The following DPH6 variants were observed in gnomAD, a reference collection of about 807,000 sequenced individuals.
The protein encoded by DPH6 is diphthamine biosynthesis 6, also known as diphthine--ammonia ligase.
In DPH6, 33 loss-of-function variants were observed where a neutral mutation model predicts 38.2. The ratio of observed to expected loss-of-function variants is 0.86; its 90% CI spans 0.65 to 1.15. The LOEUF (loss-of-function observed/expected upper bound fraction) is 1.15, where lower values mean the gene tolerates loss of function less well. Among genes scored for constraint, DPH6 ranks in the 50% most tolerant of loss-of-function variants. DPH6 has a pLI of 0.00. For synonymous variants in DPH6, 108 were observed against 103.0 expected, an observed-to-expected ratio of 1.05 and a Z score of -0.30; for missense variants, 325 against 320.0, an observed-to-expected ratio of 1.02 and a Z score of -0.12.
the DPH6 span, among the ~76,000 whole-genome samples, chr15:35,189,755 T>C: frequency 6.6e-6 from 1 of 152,234 alleles, no homozygotes; most frequent in Non-Finnish European, 1.5e-5. Flanking sequence ...ATTCATGTTT[T>C]GCAGGAGCCA....
chr15:35,449,904 T>C (rs1259418301), intron 5 of DPH6, among the ~76,000 whole-genome samples: 1 of 152,120 alleles, frequency 6.6e-6, no homozygotes, highest in Non-Finnish European at 1.5e-5. Flanking sequence ...GCTTGAGACC[T>C]TGTTATTTCA....
chr15:35,473,095 G>A (rs2141130580), intron 3 of DPH6, among the ~76,000 whole-genome samples: 1 of 152,210 alleles, frequency 6.6e-6, no homozygotes, highest in East Asian at 1.9e-4. Flanking sequence ...CTTAGTGGGA[G>A]CAATCTCTAA....
rs1183312280 is a variant in DPH6 at position 35,495,595 on chromosome 15, C to T, written c.313-40775G>A. On this transcript the variant is annotated intron_variant, in intron 3 of 8. Transcript: ENST00000256538. ...TATTATACAAAGGAAATAAAGAAGGCCCAAATAAATGGAGGAATGTACTAG... is the reference window on the plus strand; with the variant it reads ...TATTATACAAAGGAAATAAAGAAGGTCCAAATAAATGGAGGAATGTACTAG... Among the ~76,000 whole-genome samples the T allele has an allele frequency of 2.6e-5, 4 of 151,990 alleles. No individual in the cohort carries two copies. The East Asian group carries it at 7.7e-4, about 29-fold the overall frequency.
chr15:35,377,640 C>T (rs2052799349), intron 7 of DPH6, among the ~76,000 whole-genome samples: 1 of 152,120 alleles, frequency 6.6e-6, no homozygotes, highest in African/African-American at 2.4e-5. Flanking sequence ...AGGGAAAAAA[C>T]TCATTTTCTC....
chr15:35,236,685 A>G (rs1342188617), intron 3 of DPH6, among the ~76,000 whole-genome samples: 1 of 152,050 alleles, frequency 6.6e-6, no homozygotes, highest in Non-Finnish European at 1.5e-5. Flanking sequence ...TGTTATTGGT[A>G]ATCAGGTATC....
Position 35,288,675 on chromosome 15 carries a change from G to A in DPH6, n.201-68093C>T, listed in dbSNP as rs1001907330. On this transcript the variant is annotated intron_variant and non_coding_transcript_variant, in intron 3 of 3. Transcript: ENST00000560386. The stretch of plus-strand genomic sequence containing the variant: ...CCAAGATGCATCGCTCTATCAACCC[G>A]CATTTTTCCAGGACAATGCAAATTA... Among the ~76,000 whole-genome samples, 21 of 152,190 alleles carry A rather than the reference G, an allele frequency of 1.4e-4. 3 individuals carry two copies. Among genetic ancestry groups the A allele is most frequent in the Admixed American group, 1.4e-3 (21 of 15,282 alleles).
chr15:35,287,002 A>G (rs1229642111), intron 3 of DPH6, among the ~76,000 whole-genome samples: 13 of 152,190 alleles, frequency 8.5e-5, no homozygotes, highest in Admixed American at 5.2e-4. Context: ...AGTAGTATAC[A>G]GCAAAAAGAA....
rs1302588681 is a variant in DPH6 at position 35,410,864 on chromosome 15, G to C, written c.538C>G (p.Leu180Val). The C allele has an allele frequency of 6.2e-7, 1 of 1,604,018 alleles. No individual in the cohort carries two copies. Among genetic ancestry groups the C allele is most frequent in the Admixed American group, 1.7e-5 (1 of 59,178 alleles). The stretch of plus-strand genomic sequence containing the variant: ...ATGAGATAAGGCTCCATTTGATCCA[G>C]GGTTTTCCCAAGATGCTTATCAGGA... Reference protein sequence around the residue: ...LDPDKHLGKTLDQMEPYLIEL... With the variant: ...LDPDKHLGKTVDQMEPYLIEL... Residue 180 changes from leucine to valine, a missense_variant, in exon 6 of 9, where the codon CTG (leucine) becomes GTG (valine). By Grantham distance (32) the Leu-to-Val change is conservative. Transcript: ENST00000256538.
exon 4 of DPH6, chr15:35,220,239 T>C (rs2051434247): frequency 6.6e-6 from 1 of 152,172 alleles, no homozygotes; most frequent in Non-Finnish European, 1.5e-5. Flanking sequence ...GTTTTACGTT[T>C]ACAGAAAAGT....
chr15:35,450,545 G>C, intron 5 of DPH6, 140 bp downstream of exon 5: 1 of 708,998 alleles, frequency 1.4e-6, no homozygotes, highest in South Asian at 1.8e-5. Flanking sequence ...TGCAAGGAAG[G>C]TGCTTACTCA....
intron 3 of DPH6, among the ~76,000 whole-genome samples, chr15:35,264,113 A>G (rs894201712): frequency 6.6e-6 from 1 of 151,682 alleles, no homozygotes; most frequent in Non-Finnish European, 1.5e-5. Context: ...TTTTTAATTC[A>G]AAGATTAAAA....
At chr15:35,446,870 C>CTT (rs869297451) in intron 5 of DPH6, among the ~76,000 whole-genome samples, 1 of 146,658 alleles carries the variant, frequency 6.8e-6, no homozygotes, top group Non-Finnish European at 1.5e-5. Context: ...TAGGTGGAAT[C>CTT]TTTTTTTTTT....
the DPH6 span, among the ~76,000 whole-genome samples, chr15:35,157,781 G>A: frequency 6.6e-6 from 1 of 151,836 alleles, no homozygotes; most frequent in East Asian, 1.9e-4. Context: ...TGAACAAATT[G>A]GACAATGAAG....
chr15:35,494,142 G>A (rs1278070018), intron 3 of DPH6, among the ~76,000 whole-genome samples: 1 of 152,072 alleles, frequency 6.6e-6, no homozygotes, highest in Non-Finnish European at 1.5e-5. Flanking sequence ...GTTAACACAT[G>A]TAAATCACTT....
At chr15:35,533,659 TTTA>T (rs887446741) in intron 3 of DPH6, among the ~76,000 whole-genome samples, 4 of 150,590 alleles carry the variant, frequency 2.7e-5, no homozygotes, top group Admixed American at 2.6e-4. Context: ...TGTTGTTATT[TTTA>T]TTATTAAATT....
At chr15:35,449,847 C>G (rs950891438) in intron 5 of DPH6, among the ~76,000 whole-genome samples, 1 of 152,084 alleles carries the variant, frequency 6.6e-6, no homozygotes, top group Admixed American at 6.5e-5. Flanking sequence ...TGTACTATTT[C>G]TCTTAATTTT....
At chr15:35,227,425 C>A (rs528078223) in intron 3 of DPH6, among the ~76,000 whole-genome samples, 1 of 151,866 alleles carries the variant, frequency 6.6e-6, no homozygotes, top group African/African-American at 2.4e-5. Flanking sequence ...CCTCATGATC[C>A]ACCCATCTCG....
chr15:35,402,835 CATA>C (rs1420985661), intron 6 of DPH6, among the ~76,000 whole-genome samples: 2 of 151,832 alleles, frequency 1.3e-5, no homozygotes, highest in Non-Finnish European at 2.9e-5. Context: ...AGATGACAAT[CATA>C]ATGTTATTTT....
chr15:35,526,474 G>A (rs1329027647), intron 3 of DPH6, among the ~76,000 whole-genome samples: 2 of 152,094 alleles, frequency 1.3e-5, no homozygotes, highest in Non-Finnish European at 2.9e-5. Context: ...CACTGTGTAC[G>A]AGTACACAAA....
Sources: allele counts gnomAD v4.1 joint callset (sites outside exome capture counted in the v4.1 genomes callset), GRCh38; gene constraint gnomAD v4.1.1; transcripts MANE v1.5; gene names NCBI Gene and HGNC (gene_info 2026-07-23, HGNC 2026-07-21).